Variants in AMBRA1 observed in about 807,000 individuals in gnomAD.
AMBRA1 encodes autophagy and beclin 1 regulator 1.
In AMBRA1, 47 loss-of-function variants were observed where a neutral mutation model predicts 125.4. The observed-to-expected ratio is 0.37, with a 90% CI of 0.30 to 0.48. The LOEUF (loss-of-function observed/expected upper bound fraction) is 0.48, where lower values mean the gene tolerates loss of function less well. AMBRA1 is among the 20% of genes least tolerant of loss of function. The pLI is 0.99. For synonymous variants in AMBRA1, 626 were observed against 655.5 expected (o/e 0.95, Z 0.69); for missense variants, 1,331 against 1,693.4 (o/e 0.79, Z 3.76).
At chr11:46,536,010 TCTAAG>T (rs1244946197) in intron 7 of AMBRA1, among the ~76,000 whole-genome samples, 6 of 152,182 alleles carry the variant, frequency 3.9e-5, no homozygotes, top group Non-Finnish European at 8.8e-5. Context: ...CTTGTACAAC[TCTAAG>T]TAATACCGTT....
chr11:46,593,298 G>A (rs1027318163), intron 1 of AMBRA1, among the ~76,000 whole-genome samples: 1 of 152,142 alleles, frequency 6.6e-6, no homozygotes, highest in African/African-American at 2.4e-5. Flanking sequence ...TGATCTGTTG[G>A]GGATATGTGG....
At chr11:46,406,882 C>CA (rs1351040971) in intron 17 of AMBRA1, among the ~76,000 whole-genome samples, 1 of 147,432 alleles carries the variant, frequency 6.8e-6, no homozygotes, top group African/African-American at 2.5e-5. Context: ...GACTCCATCT[C>CA]AAAAAATAAA....
At chr11:46,530,875 CTCAT>C (rs1475211741) in intron 7 of AMBRA1, among the ~76,000 whole-genome samples, 2 of 152,184 alleles carry the variant, frequency 1.3e-5, no homozygotes, top group Non-Finnish European at 2.9e-5. Context: ...CAGCCACACT[CTCAT>C]TCATTGATTC....
chr11:46,496,824 G>T (rs987973842), intron 9 of AMBRA1, among the ~76,000 whole-genome samples: 1 of 150,876 alleles, frequency 6.6e-6, no homozygotes, highest in Admixed American at 6.6e-5. Flanking sequence ...AAAAAAAAGG[G>T]AAGGGGGCTG....
intron 1 of AMBRA1, among the ~76,000 whole-genome samples, chr11:46,592,435 T>C (rs761292587): frequency 1.3e-5 from 2 of 152,124 alleles, no homozygotes; most frequent in Non-Finnish European, 2.9e-5. Flanking sequence ...TTTTTAGCTT[T>C]TGTATGTGCA....
At chr11:46,488,466 A>C (rs73467915) in intron 11 of AMBRA1, among the ~76,000 whole-genome samples, 10,509 of 152,114 alleles carry the variant, frequency 0.069, 1,180 homozygotes, top group African/African-American at 0.24. Flanking sequence ...CAAAACAAAA[A>C]AAAAAACTGA....
At chr11:46,438,573 AT>A (rs1169857037) in intron 12 of AMBRA1, among the ~76,000 whole-genome samples, 2 of 152,288 alleles carry the variant, frequency 1.3e-5, no homozygotes, top group East Asian at 3.9e-4. Context: ...CAGCAGAAAA[AT>A]TTCCTCCTGG....
At chr11:46,405,154 C>G (rs1945947296) in intron 17 of AMBRA1, among the ~76,000 whole-genome samples, 1 of 152,216 alleles carries the variant, frequency 6.6e-6, no homozygotes, top group African/African-American at 2.4e-5. Context: ...TGCTTCCCCA[C>G]CACCCTACTT....
chr11:46,490,349 C>T (rs936186910), intron 11 of AMBRA1, among the ~76,000 whole-genome samples: 1 of 152,020 alleles, frequency 6.6e-6, no homozygotes. Context: ...GGTGAAGGCA[C>T]CAAGATAAGG....
intron 11 of AMBRA1, among the ~76,000 whole-genome samples, chr11:46,469,593 G>A (rs1318394628): frequency 6.6e-6 from 1 of 151,984 alleles, no homozygotes; most frequent in Non-Finnish European, 1.5e-5. Flanking sequence ...CTATAAACTA[G>A]GCACAATTTA....
chr11:46,445,305 G>T (rs1293798607), intron 11 of AMBRA1, among the ~76,000 whole-genome samples: 1 of 152,088 alleles, frequency 6.6e-6, no homozygotes, highest in Admixed American at 6.5e-5. Flanking sequence ...TTAAAATCTT[G>T]CAAATTCAAA....
chr11:46,488,643 T>C (rs1008293399), intron 11 of AMBRA1, among the ~76,000 whole-genome samples: 2 of 152,088 alleles, frequency 1.3e-5, no homozygotes, highest in Non-Finnish European at 2.9e-5. Context: ...ACTAAATAAC[T>C]GCAGAATACA....
At chr11:46,584,340 AG>A (rs1293179976) in intron 1 of AMBRA1, among the ~76,000 whole-genome samples, 1 of 129,856 alleles carries the variant, frequency 7.7e-6, no homozygotes, top group Non-Finnish European at 1.6e-5. Flanking sequence ...ACATGGACAC[AG>A]GAAGGGGAAC....
At chr11:46,570,186 T>C (rs1449512919) in intron 1 of AMBRA1, among the ~76,000 whole-genome samples, 2 of 136,500 alleles carry the variant, frequency 1.5e-5, no homozygotes, top group Admixed American at 8.6e-5. Context: ...CGCTTGAACC[T>C]GGGAGCCAGA....
chr11:46,567,084 T>A (rs1210747815), intron 1 of AMBRA1, among the ~76,000 whole-genome samples: 1 of 152,178 alleles, frequency 6.6e-6, no homozygotes, highest in Non-Finnish European at 1.5e-5. Flanking sequence ...GTTTGTTTGT[T>A]TGTTTGAGAC....
rs536952041 is a variant in AMBRA1 at position 46,572,918 on chromosome 11, C to T, written c.-121+20910G>A. The stretch of plus-strand genomic sequence containing the variant: ...CAGCCTGCCCAACCTGGTGAAACTC[C>T]GTCTCTACTAAAAATAAAAAAAATT... On this transcript the variant is annotated intron_variant, in intron 1 of 17. Coordinates refer to ENST00000683756, the MANE Select transcript of AMBRA1 (RefSeq NM_001387011.1). Among the ~76,000 whole-genome samples the T allele has an allele frequency of 5.3e-5, 8 of 149,972 alleles. 1 individual carries two copies. Among genetic ancestry groups the T allele is most frequent in the East Asian group, 2.0e-4 (1 of 5,082 alleles).
chr11:46,555,821 G>A (rs1565292355), intron 1 of AMBRA1, among the ~76,000 whole-genome samples: 1 of 152,140 alleles, frequency 6.6e-6, no homozygotes, highest in African/African-American at 2.4e-5. Context: ...CCTTCCTATT[G>A]CATTTAGGAG....
In AMBRA1 at chr11:46,543,060, A is replaced by C; in HGVS notation, c.957T>G (p.Val319=). Residue 319 remains valine (V), a synonymous_variant, in exon 7 of 18, where the codon GTT becomes GTG. Coordinates refer to ENST00000683756, the MANE Select transcript of AMBRA1 (RefSeq NM_001387011.1). The stretch of plus-strand genomic sequence containing the variant: ...TGTCCTGGTGTGGCAAGAGGGAAGG[A>C]ACTCGAGTGCCAGAGCAGCGGCTGC... ...CLCSRCSGTR[V]PSLLPHQDSV... 1.3e-6 allele frequency: 2 copies of C among 1,598,414 alleles called. No individual in the cohort carries two copies. The highest frequency in any genetic ancestry group is 1.7e-6 in the Non-Finnish European group (2 of 1,179,476).
At chr11:46,424,903 G>A (rs1158886371) in intron 14 of AMBRA1, among the ~76,000 whole-genome samples, 3 of 152,172 alleles carry the variant, frequency 2.0e-5, no homozygotes, top group East Asian at 1.9e-4. Flanking sequence ...TTGGGAGGCC[G>A]AGGTGGGTGA....
Sources: gnomAD v4.1 joint callset for allele counts (sites outside exome capture counted in the v4.1 genomes callset) on GRCh38, gnomAD v4.1.1 for gene constraint, MANE v1.5 for transcripts, NCBI Gene and HGNC (gene_info 2026-07-23, HGNC 2026-07-21) for gene names.